The following ZNF664 variants were observed in gnomAD, a reference collection of about 807,000 sequenced individuals.
ZNF664 encodes the protein zinc finger Organ of Corti 1.
In ZNF664, 10 loss-of-function variants were observed where a neutral mutation model predicts 18.2. That is an observed-to-expected ratio of 0.55 (90% CI 0.34 to 0.93). The LOEUF is 0.93. Among genes scored for constraint, ZNF664 ranks in the 40% least tolerant of loss-of-function variants. The probability of loss-of-function intolerance (pLI) is 0.02; values close to 1 mark genes in which losing one functional copy is unlikely to be tolerated. For missense variants in ZNF664, 193 were observed against 319.0 expected, an observed-to-expected ratio of 0.61 and a Z score of 3.01; for synonymous variants, 119 against 104.2, an observed-to-expected ratio of 1.14 and a Z score of -0.86.
chr12:123,983,267 A>T (rs1016617084), intron 2 of ZNF664, among the ~76,000 whole-genome samples: 1 of 152,262 alleles, frequency 6.6e-6, no homozygotes, highest in African/African-American at 2.4e-5. Context: ...GAGAATTTTT[A>T]AAATACAATT....
Position 124,013,940 on chromosome 12 carries a change from T to A in ZNF664, c.*1010T>A, listed in dbSNP as rs1444401305. The stretch of plus-strand genomic sequence containing the variant: ...CAGTTCTTTGTTAGGCATGAACGTC[T>A]TTATTAATCCATCATTCTTTTCTTC... On this transcript the variant is annotated 3_prime_UTR_variant, in exon 5 of 5. Transcript: ENST00000337815. 6.0e-6 allele frequency: 1 copy of A among 167,124 alleles called. No individual in the cohort carries two copies. Among genetic ancestry groups the A allele is most frequent in the Non-Finnish European group, 1.5e-5 (1 of 68,150 alleles). 10.4% of individuals were successfully genotyped at this position (167,124 alleles called of 1,614,324 possible).
intron 2 of ZNF664, among the ~76,000 whole-genome samples, chr12:123,979,630 T>C (rs1287581056): frequency 6.6e-6 from 1 of 152,228 alleles, no homozygotes; most frequent in Admixed American, 6.5e-5. Flanking sequence ...TAAATTTTGG[T>C]ACCCATATAC....
intron 2 of ZNF664, among the ~76,000 whole-genome samples, chr12:123,986,941 A>G (rs1956832348): frequency 6.6e-6 from 1 of 152,216 alleles, no homozygotes; most frequent in South Asian, 2.1e-4. Context: ...CCCACAGAGA[A>G]ACTAAAATAG....
At chr12:123,991,633 A>G (rs1956890282) in intron 3 of ZNF664, among the ~76,000 whole-genome samples, 1 of 152,242 alleles carries the variant, frequency 6.6e-6, no homozygotes, top group African/African-American at 2.4e-5. Context: ...GCAGCAAAGT[A>G]TTGTAGACAT....
rs985293789 is a variant in ZNF664 at position 124,014,159 on chromosome 12, T to C, written c.*1229T>C. 6.7e-5 allele frequency: 10 copies of C among 148,744 alleles called. No homozygotes were observed. The highest frequency in any genetic ancestry group is 1.4e-4 in the Non-Finnish European group (9 of 64,918). The allele number at this position is 148,744 out of a possible 1,614,324, so 9.2% of individuals were successfully genotyped here. On this transcript the variant is annotated 3_prime_UTR_variant, in exon 5 of 5. Transcript: ENST00000337815. ...GTGCTATGAAGAAAATAAACTAGGG[T>C]GATGATTTTAGTGGTGGGGTGGGGT... is the stretch of plus-strand genomic sequence containing the variant.
At chr12:123,985,360 A>G (rs1193161697) in intron 2 of ZNF664, among the ~76,000 whole-genome samples, 1 of 152,228 alleles carries the variant, frequency 6.6e-6, no homozygotes, top group Non-Finnish European at 1.5e-5. Flanking sequence ...CAGAAGGAAG[A>G]AAATGTCTAG....
chr12:124,011,494 A>G, intron 4 of ZNF664, 52 bp from the exon 5 acceptor site: 1 of 799,546 alleles, frequency 1.3e-6, no homozygotes. Flanking sequence ...AATCAATAGC[A>G]GTTTTCCAGA....
chr12:123,982,371 G>A (rs1386791250), intron 2 of ZNF664, among the ~76,000 whole-genome samples: 1 of 152,208 alleles, frequency 6.6e-6, no homozygotes, highest in Non-Finnish European at 1.5e-5. Flanking sequence ...CAGTGTGGCT[G>A]TGCTCTTTGC....
chr12:123,978,904 G>A (rs188764260), intron 2 of ZNF664, among the ~76,000 whole-genome samples: 1 of 152,192 alleles, frequency 6.6e-6, no homozygotes, highest in Admixed American at 6.5e-5. Context: ...GCAACAGTTG[G>A]GAAATTATAA....
chr12:123,979,871 A>G (rs1956741945), intron 2 of ZNF664, among the ~76,000 whole-genome samples: 1 of 152,094 alleles, frequency 6.6e-6, no homozygotes, highest in Non-Finnish European at 1.5e-5. Flanking sequence ...TTTTGTAGAG[A>G]CGGAGTCTCA....
chr12:124,007,541 T>C (rs1957087100), intron 3 of ZNF664, among the ~76,000 whole-genome samples: 1 of 152,238 alleles, frequency 6.6e-6, no homozygotes, highest in African/African-American at 2.4e-5. Context: ...GGCCTCTTCC[T>C]GTGTTCATTC....
chr12:123,991,025 T>C (rs995013841), intron 3 of ZNF664, among the ~76,000 whole-genome samples: 1 of 152,234 alleles, frequency 6.6e-6, no homozygotes, highest in African/African-American at 2.4e-5. Flanking sequence ...AATCAGTGAC[T>C]ACAGTCAGAC....
At chr12:124,001,201 C>T (rs1263697940) in intron 3 of ZNF664, among the ~76,000 whole-genome samples, 3 of 152,184 alleles carry the variant, frequency 2.0e-5, no homozygotes, top group African/African-American at 7.2e-5. Flanking sequence ...TCCACCATTG[C>T]TTTAGTCCAG....
Position 124,014,312 on chromosome 12 carries a change from T to C in ZNF664, c.*1382T>C, listed in dbSNP as rs932934095. On this transcript the variant is annotated 3_prime_UTR_variant, in exon 5 of 5. Transcript: ENST00000337815. ...CTGCTCTGGGGGATGAGCTGGTGCG[T>C]TTAAGGAACAGGCCAGCACTGGCAT... is the stretch of plus-strand genomic sequence containing the variant. 2 of 167,096 alleles carry C rather than the reference T, an allele frequency of 1.2e-5. No individual in the cohort carries two copies. Among genetic ancestry groups the C allele is most frequent in the East Asian group, 3.9e-4 (2 of 5,176 alleles). 10.4% of individuals were successfully genotyped at this position (167,096 alleles called of 1,614,324 possible).
chr12:124,011,819 G>C lies in ZNF664; in HGVS notation c.-326G>C, dbSNP rs1957138629. On this transcript the variant is annotated 5_prime_UTR_variant, in exon 5 of 5. Transcript: ENST00000337815. ...GATTCCAGGGGCTCAAAAACGCAAAGGTTTGCACTTTGAGAGCCCCTTGGA... is the reference window on the plus strand; with the variant it reads ...GATTCCAGGGGCTCAAAAACGCAAACGTTTGCACTTTGAGAGCCCCTTGGA... The C allele has an allele frequency of 4.4e-6, 5 of 1,149,334 alleles. No homozygotes were observed. Among genetic ancestry groups the C allele is most frequent in the Non-Finnish European group, 5.3e-6 (5 of 938,348 alleles). The allele number at this position is 1,149,334 out of a possible 1,614,324, so 71.2% of individuals were successfully genotyped here.
At chr12:123,974,420 A>T (rs1426234229) in intron 2 of ZNF664, 1 of 164,072 alleles carries the variant, frequency 6.1e-6, no homozygotes, top group Admixed American at 6.4e-5. Flanking sequence ...CACAGGCTGG[A>T]ACGGTTTTTA....
chr12:124,009,688 A>AT (rs1469955101), intron 3 of ZNF664, among the ~76,000 whole-genome samples: 7 of 151,220 alleles, frequency 4.6e-5, no homozygotes, highest in South Asian at 2.1e-4. Flanking sequence ...ATTTAATTTA[A>AT]TTTTTTTTGT....
chr12:123,973,932 G>C lies in ZNF664; in HGVS notation c.-845G>C, dbSNP rs1418679644. ...GAGGCGAGCATCCCGCTCAGGTGAT[G>C]AGGAACCCCTCGCGCACCCAGCGCA... On this transcript the variant is annotated 5_prime_UTR_variant, in exon 2 of 5. An upstream start codon of the reference 5' UTR is lost. Transcript: ENST00000337815. The C allele has an allele frequency of 8.1e-7, 1 of 1,231,774 alleles. No individual in the cohort carries two copies. Among genetic ancestry groups the C allele is most frequent in the Non-Finnish European group, 1.0e-6 (1 of 988,110 alleles). The allele number at this position is 1,231,774 out of a possible 1,614,324, so 76.3% of individuals were successfully genotyped here. A position where few individuals can be genotyped will look rare whatever the true frequency, so the allele number is the denominator to read the frequency against.
chr12:123,973,323 G>A lies in ZNF664; in HGVS notation c.-921G>A. ...AGGGAGGTGGGTGCGCGGCGCCCGC[G>A]GCCTGGGGCGCTGACTCCCCTCACT... On this transcript the variant is annotated 5_prime_UTR_variant, in exon 1 of 5. Transcript: ENST00000337815. 1.2e-6 allele frequency: 1 copy of A among 840,760 alleles called. No individual in the cohort carries two copies. The highest frequency in any genetic ancestry group is 1.4e-6 in the Non-Finnish European group (1 of 702,378). 52.1% of individuals were successfully genotyped at this position (840,760 alleles called of 1,614,324 possible). A position where few individuals can be genotyped will look rare whatever the true frequency, so the allele number is the denominator to read the frequency against.
Sources: allele counts gnomAD v4.1 joint callset (sites outside exome capture counted in the v4.1 genomes callset), GRCh38; gene constraint gnomAD v4.1.1; transcripts MANE v1.5; gene names NCBI Gene and HGNC (gene_info 2026-07-23, HGNC 2026-07-21).